Variants in NLRP5 observed in about 807,000 individuals in gnomAD.
NLRP5 encodes the protein NLR family pyrin domain containing 5, also known as NACHT, LRR and PYD domains-containing protein 5.
Under a neutral mutation model 113.1 loss-of-function variants are expected in NLRP5, and 93 were observed. That is an observed-to-expected ratio of 0.82 (90% CI 0.70 to 0.98). The LOEUF (loss-of-function observed/expected upper bound fraction) is 0.98. NLRP5 is among the 50% of genes least tolerant of loss of function. The pLI is 0.00. For missense variants in NLRP5, 1,808 were observed against 1,514.3 expected, an observed-to-expected ratio of 1.19 and a Z score of -3.22; for synonymous variants, 751 against 600.7, an observed-to-expected ratio of 1.25 and a Z score of -3.66.
intron 9 of NLRP5, among the ~76,000 whole-genome samples, chr19:56,034,027 C>T (rs1443022260): frequency 1.3e-5 from 2 of 152,212 alleles, no homozygotes; most frequent in East Asian, 3.9e-4. Context: ...CGCTTGGCCT[C>T]CCAGAGCACT....
chr19:56,050,982 C>T (rs2123336150), intron 12 of NLRP5, among the ~76,000 whole-genome samples: 1 of 152,252 alleles, frequency 6.6e-6, no homozygotes, highest in East Asian at 1.9e-4. Flanking sequence ...ATAGGAATAT[C>T]CCATTATTAA....
chr19:56,000,531 A>T (rs1435663067), intron 1 of NLRP5, among the ~76,000 whole-genome samples: 3 of 151,364 alleles, frequency 2.0e-5, no homozygotes, highest in African/African-American at 7.3e-5. Context: ...CGCCCGGCTA[A>T]TTTTTTGCAT....
chr19:56,005,532 GCA>G (rs1568481891), intron 2 of NLRP5, among the ~76,000 whole-genome samples: 13 of 93,566 alleles, frequency 1.4e-4, no homozygotes, highest in African/African-American at 3.7e-4. Flanking sequence ...ACACACACAC[GCA>G]CACACGCAGG....
chr19:56,041,718 C>A (rs185206819), intron 11 of NLRP5, among the ~76,000 whole-genome samples: 7 of 152,260 alleles, frequency 4.6e-5, no homozygotes, highest in Non-Finnish European at 1.0e-4. Context: ...GAGGCTGAGG[C>A]AGGTGGATCA....
upstream of NLRP5, among the ~76,000 whole-genome samples, chr19:55,996,453 T>C (rs1981328084): frequency 2.0e-5 from 3 of 152,176 alleles, no homozygotes; most frequent in Non-Finnish European, 1.5e-5. Flanking sequence ...CTGCACCCAT[T>C]AACTCATCAT....
chr19:56,038,152 A>C lies in NLRP5; in HGVS notation c.2743A>C (p.Ser915Arg). 1 of 1,613,946 alleles carries C rather than the reference A, an allele frequency of 6.2e-7. No homozygotes were observed. The highest frequency in any genetic ancestry group is 2.2e-5 in the East Asian group (1 of 44,864). The change falls in exon 10 of 15, where the codon AGT becomes CGT. Residue 915 changes from serine to arginine, a missense_variant. Physicochemically the swap from Ser to Arg is moderately radical, Grantham distance 110. Coordinates refer to ENST00000390649, the MANE Select transcript of NLRP5 (RefSeq NM_153447.4). The stretch of plus-strand genomic sequence containing the variant: ...GACAGACCAGGGAGTAATGCCTCTC[A>C]GTGATGCCTTGAGAGTCTCCCAGTG...
intron 14 of NLRP5, among the ~76,000 whole-genome samples, chr19:56,059,441 A>T (rs999230023): frequency 1.3e-5 from 2 of 152,250 alleles, no homozygotes; most frequent in African/African-American, 2.4e-5. Flanking sequence ...ATGAAGGAAC[A>T]CAGTTGTACT....
chr19:56,038,871 G>T (rs1983416305), intron 10 of NLRP5, among the ~76,000 whole-genome samples: 1 of 152,130 alleles, frequency 6.6e-6, no homozygotes, highest in African/African-American at 2.4e-5. Context: ...GAGTGCAGTG[G>T]TAAGATCCTA....
At chr19:56,016,480 T>C (rs67697300) in intron 4 of NLRP5, among the ~76,000 whole-genome samples, 41,949 of 152,098 alleles carry the variant, frequency 0.28, 6,210 homozygotes, top group East Asian at 0.48. Context: ...AATCCTCTTT[T>C]AGCTATTTTG....
chr19:56,043,150 G>C (rs1164209032), intron 11 of NLRP5, among the ~76,000 whole-genome samples: 1 of 152,164 alleles, frequency 6.6e-6, no homozygotes, highest in African/African-American at 2.4e-5. Context: ...TCAAATGGTA[G>C]TTGTACTTTT....
At chr19:56,055,988 C>T (rs573901657) in intron 13 of NLRP5, among the ~76,000 whole-genome samples, 1 of 152,244 alleles carries the variant, frequency 6.6e-6, no homozygotes, top group East Asian at 1.9e-4. Context: ...TCAAAACAGG[C>T]AATGGCGAGT....
At chr19:56,049,022 C>T (rs1175655068) in intron 11 of NLRP5, among the ~76,000 whole-genome samples, 1 of 131,736 alleles carries the variant, frequency 7.6e-6, no homozygotes, top group East Asian at 2.1e-4. Flanking sequence ...TGCTCTGTCA[C>T]CCAGGCTGGA....
chr19:56,037,707 A>C (rs975430205), intron 9 of NLRP5, among the ~76,000 whole-genome samples: 2 of 151,420 alleles, frequency 1.3e-5, no homozygotes, highest in Non-Finnish European at 2.9e-5. Context: ...AAAAAAAAAA[A>C]AAAAAAATGT....
intron 2 of NLRP5, among the ~76,000 whole-genome samples, chr19:56,005,858 C>T (rs527794261): frequency 2.6e-4 from 39 of 152,310 alleles, no homozygotes; most frequent in African/African-American, 8.4e-4. Flanking sequence ...CACCATCTGA[C>T]TCTCAACCCC....
At chr19:56,022,969 G>A (rs893918739) in intron 6 of NLRP5, among the ~76,000 whole-genome samples, 5 of 152,024 alleles carry the variant, frequency 3.3e-5, no homozygotes, top group East Asian at 1.9e-4. Context: ...CAGGTGATCC[G>A]CCTGCCTCGG....
chr19:55,988,125 G>C, the NLRP5 span: 6 of 446,528 alleles, frequency 1.3e-5, no homozygotes, highest in Admixed American at 1.4e-4. Context: ...GGGCGTGGTG[G>C]CTCACGCCTG....
intron 3 of NLRP5, among the ~76,000 whole-genome samples, chr19:56,009,139 G>C (rs1258148937): frequency 2.6e-5 from 4 of 151,864 alleles, no homozygotes; most frequent in Admixed American, 6.6e-5. Context: ...AGGAGTTCAA[G>C]ACCAGCCTGG....
At chr19:55,995,878 G>A (rs1457252740), upstream of NLRP5, among the ~76,000 whole-genome samples, 2 of 151,530 alleles carry the variant, frequency 1.3e-5, no homozygotes, top group Non-Finnish European at 2.9e-5. Context: ...GTTCATTATT[G>A]GTGTTTAGAA....
At chr19:56,023,529 G>C (rs144473292) in intron 6 of NLRP5, among the ~76,000 whole-genome samples, 1 of 152,190 alleles carries the variant, frequency 6.6e-6, no homozygotes, top group African/African-American at 2.4e-5. Context: ...TGAGCGGTGC[G>C]TTGAGTCCAC....
Sources: allele counts gnomAD v4.1 joint callset (sites outside exome capture counted in the v4.1 genomes callset), GRCh38; gene constraint gnomAD v4.1.1; transcripts MANE v1.5; gene names NCBI Gene and HGNC (gene_info 2026-07-23, HGNC 2026-07-21).